GRXCR1: variants seen among roughly 807,000 people sequenced by gnomAD.
GRXCR1 encodes glutaredoxin domain-containing cysteine-rich protein 1.
GRXCR1 carries 27 observed loss-of-function variants against 27.3 expected under a neutral mutation model. The ratio of observed to expected loss-of-function variants is 0.99; its 90% confidence interval spans 0.73 to 1.37. The LOEUF is 1.37. Ranked by LOEUF, GRXCR1 falls within the 40% of genes most tolerant of loss-of-function variation. The pLI is 0.00. For missense variants in GRXCR1, 379 were observed against 354.4 expected, an observed-to-expected ratio of 1.07 and a Z score of -0.56; for synonymous variants, 122 against 131.1, an observed-to-expected ratio of 0.93 and a Z score of 0.47.
rs1463866238 is a variant in GRXCR1 at position 42,893,568 on chromosome 4, G to A, written c.302G>A (p.Ser101Asn). ...GFGTRRVNIL[S>N]KNGTVRGVKY... ...GGTACAAGAAGAGTCAACATTTTAA[G>A]CAAAAATGGCACAGTCAGAGGCGTC... The change falls in exon 1 of 4, where the codon AGC becomes AAC. Residue 101 changes from serine (S) to asparagine (N), a missense_variant. Physicochemically the swap from Ser to Asn is conservative, Grantham distance 46. Coordinates refer to ENST00000399770, the MANE Select transcript of GRXCR1 (RefSeq NM_001080476.3). The A allele has an allele frequency of 6.2e-7, 1 of 1,613,760 alleles. No homozygotes were observed. Among genetic ancestry groups the A allele is most frequent in the South Asian group, 1.1e-5 (1 of 91,078 alleles).
At chr4:43,016,000 A>AG (rs1418276518) in intron 2 of GRXCR1, among the ~76,000 whole-genome samples, 4 of 152,188 alleles carry the variant, frequency 2.6e-5, no homozygotes, top group African/African-American at 9.6e-5. Flanking sequence ...AAAAATTTTG[A>AG]GAAAAACTAC....
chr4:42,990,173 C>CTTTTTTTTTTTTTTTTTTTTT lies in GRXCR1; in HGVS notation c.627+27055_627+27075dup, dbSNP rs745784596. Among the ~76,000 whole-genome samples the CTTTTTTTTTTTTTTTTTTTTT allele has an allele frequency of 1.7e-4, 8 of 46,230 alleles. 3 individuals carry two copies. The highest frequency in any genetic ancestry group is 7.3e-4 in the Admixed American group (2 of 2,756). 30.3% of individuals were successfully genotyped at this position (46,230 alleles called of 152,430 possible). ...AACTTCTTGAATTGAATTATTAGTT[C>CTTTTTTTTTTTTTTTTTTTTT]TTTTTTTTTTTTTTTTTTTTTTTTT... On this transcript the variant is annotated intron_variant, in intron 2 of 3. Transcript: ENST00000399770.
intron 1 of GRXCR1, among the ~76,000 whole-genome samples, chr4:42,939,431 A>G (rs894668146): frequency 2.0e-5 from 3 of 152,024 alleles, no homozygotes; most frequent in Non-Finnish European, 2.9e-5. Flanking sequence ...CAAATATAAG[A>G]TCATATCATC....
At chr4:42,926,387 G>A (rs1235341171) in intron 1 of GRXCR1, among the ~76,000 whole-genome samples, 3 of 151,988 alleles carry the variant, frequency 2.0e-5, no homozygotes, top group Non-Finnish European at 2.9e-5. Flanking sequence ...ATGGTGCCTG[G>A]CATATAGCAG....
chr4:42,937,187 A>C (rs1421132102), intron 1 of GRXCR1, among the ~76,000 whole-genome samples: 1 of 151,938 alleles, frequency 6.6e-6, no homozygotes, highest in Non-Finnish European at 1.5e-5. Context: ...ATATAATCTA[A>C]TACCACTTTA....
At chr4:42,967,411 A>AT (rs1162240230) in intron 2 of GRXCR1, among the ~76,000 whole-genome samples, 1 of 151,938 alleles carries the variant, frequency 6.6e-6, no homozygotes, top group Non-Finnish European at 1.5e-5. Flanking sequence ...ATACTGTTCT[A>AT]TTGGCCATTT....
At position 42,974,868 on chromosome 4, in the gene GRXCR1, A is replaced by G. The variant is rs1031008820; in HGVS notation, c.627+11734A>G. Among the ~76,000 whole-genome samples, 4 of 152,094 alleles carry G rather than the reference A, an allele frequency of 2.6e-5. No individual in the cohort carries two copies. In the South Asian group the frequency reaches 6.2e-4, roughly 24 times the overall value. On this transcript the variant is annotated intron_variant, in intron 2 of 3. Transcript: ENST00000399770. ...GAGTATAAGATATATTACAAGCCCT[A>G]TTGTCAGAATTGTGAGTTAAATTTC...
intron 1 of GRXCR1, among the ~76,000 whole-genome samples, chr4:42,912,633 A>T (rs2109745871): frequency 6.6e-6 from 1 of 152,290 alleles, no homozygotes; most frequent in East Asian, 1.9e-4. Flanking sequence ...TTATATATTC[A>T]TGTATGTGCA....
chr4:42,948,234 CTTTT>C (rs5857877), intron 1 of GRXCR1, among the ~76,000 whole-genome samples: 1 of 147,424 alleles, frequency 6.8e-6, no homozygotes. Flanking sequence ...ATTTCTAGGG[CTTTT>C]TTTTTTTTTT....
intron 1 of GRXCR1, among the ~76,000 whole-genome samples, chr4:42,901,242 T>C (rs185430956): frequency 5.9e-5 from 9 of 152,318 alleles, no homozygotes; most frequent in Admixed American, 5.9e-4. Flanking sequence ...TTCCTATTGC[T>C]GCTGAAACAA....
intron 1 of GRXCR1, among the ~76,000 whole-genome samples, chr4:42,943,765 C>T (rs1747678582): frequency 6.6e-6 from 1 of 151,972 alleles, no homozygotes; most frequent in Admixed American, 6.6e-5. Context: ...AGGTCAGTGG[C>T]TCTCAAGTGG....
intron 2 of GRXCR1, among the ~76,000 whole-genome samples, chr4:43,016,144 T>C (rs1264393294): frequency 6.6e-6 from 1 of 152,244 alleles, no homozygotes. Context: ...TTTAGCTTAT[T>C]GTGTAAAATA....
chr4:43,027,090 A>G (rs1408507633), intron 3 of GRXCR1, among the ~76,000 whole-genome samples: 1 of 152,228 alleles, frequency 6.6e-6, no homozygotes, highest in East Asian at 1.9e-4. Flanking sequence ...TGTGACCACA[A>G]GCAGTTTAGC....
At chr4:42,939,975 T>C (rs1339459274) in intron 1 of GRXCR1, among the ~76,000 whole-genome samples, 1 of 151,958 alleles carries the variant, frequency 6.6e-6, no homozygotes. Context: ...GGGAGCAATG[T>C]CCTTTTCTTA....
chr4:43,024,275 G>T (rs1486954385), intron 3 of GRXCR1, among the ~76,000 whole-genome samples: 1 of 112,802 alleles, frequency 8.9e-6, no homozygotes, highest in Non-Finnish European at 1.7e-5. Flanking sequence ...CCACTTATTT[G>T]TTCATGAAGA....
At chr4:43,021,117 T>A (rs1713079943) in intron 3 of GRXCR1, among the ~76,000 whole-genome samples, 1 of 152,170 alleles carries the variant, frequency 6.6e-6, no homozygotes, top group South Asian at 2.1e-4. Context: ...TATCTATATG[T>A]CACTACTGGT....
intron 1 of GRXCR1, among the ~76,000 whole-genome samples, chr4:42,956,654 T>C (rs1748011082): frequency 2.6e-5 from 4 of 152,072 alleles, no homozygotes; most frequent in South Asian, 4.1e-4. Context: ...TACCCTGAAT[T>C]TGCCCCATAT....
intron 2 of GRXCR1, among the ~76,000 whole-genome samples, chr4:43,014,702 T>C (rs1712876330): frequency 6.6e-6 from 1 of 152,214 alleles, no homozygotes; most frequent in Non-Finnish European, 1.5e-5. Flanking sequence ...TCCCTACCAC[T>C]TTACAAAGGT....
chr4:42,985,797 T>C (rs888919127), intron 2 of GRXCR1, among the ~76,000 whole-genome samples: 3 of 152,166 alleles, frequency 2.0e-5, no homozygotes, highest in African/African-American at 7.2e-5. Context: ...AAATTGATTA[T>C]CAAAAAGTTA....
Sources: allele counts gnomAD v4.1 joint callset (sites outside exome capture counted in the v4.1 genomes callset), GRCh38; gene constraint gnomAD v4.1.1; transcripts MANE v1.5; gene names NCBI Gene and HGNC (gene_info 2026-07-23, HGNC 2026-07-21).